PRKCE: variants seen among roughly 807,000 people sequenced by gnomAD.
PRKCE encodes the protein protein kinase C epsilon type.
A neutral mutation model predicts 85.4 loss-of-function variants in PRKCE; 16 were observed. The ratio of observed to expected loss-of-function variants is 0.19; its 90% CI spans 0.13 to 0.28. The LOEUF is 0.28. Ranked by LOEUF, PRKCE falls within the 10% of genes least tolerant of loss-of-function variation. PRKCE has a pLI of 1.00. For missense variants in PRKCE, 573 were observed against 975.2 expected, an observed-to-expected ratio of 0.59 and a Z score of 5.49; for synonymous variants, 388 against 371.5, an observed-to-expected ratio of 1.04 and a Z score of -0.51.
At chr2:45,745,394 C>G (rs971042270) in intron 1 of PRKCE, among the ~76,000 whole-genome samples, 1 of 152,196 alleles carries the variant, frequency 6.6e-6, no homozygotes, top group African/African-American at 2.4e-5. Context: ...CCTATCTGCT[C>G]TGTTGTGCTT....
chr2:46,163,144 A>G (rs1357676074), intron 14 of PRKCE, among the ~76,000 whole-genome samples: 1 of 152,250 alleles, frequency 6.6e-6, no homozygotes, highest in Non-Finnish European at 1.5e-5. Flanking sequence ...AGCAGTGAGG[A>G]CAACTCTGTG....
chr2:46,040,191 T>C (rs1274129787), intron 10 of PRKCE, among the ~76,000 whole-genome samples: 2 of 152,192 alleles, frequency 1.3e-5, no homozygotes, highest in Admixed American at 1.3e-4. Context: ...GCCTAGGGGA[T>C]GTTAACTAAA....
intron 11 of PRKCE, among the ~76,000 whole-genome samples, chr2:46,096,071 TCA>T (rs754688263): frequency 2.0e-5 from 3 of 152,202 alleles, no homozygotes; most frequent in Non-Finnish European, 2.9e-5. Context: ...CTGTTGCCAG[TCA>T]CAGTTTTACA....
intron 2 of PRKCE, among the ~76,000 whole-genome samples, chr2:45,911,251 C>A (rs1573846156): frequency 6.6e-6 from 1 of 152,280 alleles, no homozygotes; most frequent in East Asian, 1.9e-4. Context: ...TGTTTTTTCC[C>A]ACTGACACCT....
In PRKCE at chr2:45,884,976, TATATATATATATA is replaced by T. The variant is rs1451372793; in HGVS notation, c.412+41914_412+41926del. Among the ~76,000 whole-genome samples, 77 of 69,152 alleles carry T rather than the reference TATATATATATATA, an allele frequency of 1.1e-3. 2 individuals are homozygous for T. The East Asian group carries it at 0.015, about 13-fold the overall frequency. The allele number at this position is 69,152 out of a possible 152,430, so 45.4% of individuals were successfully genotyped here. A position where few individuals can be genotyped will look rare whatever the true frequency, so the allele number is the denominator to read the frequency against. On this transcript the variant is annotated intron_variant, in intron 2 of 14. Transcript: ENST00000306156. ...ATCCATATATATATATATATATATA[TATATATATATATA>T]TATATATATATATTTGTTGTTGTTG...
intron 2 of PRKCE, among the ~76,000 whole-genome samples, chr2:45,941,577 C>A (rs191899023): frequency 4.3e-4 from 65 of 152,200 alleles, no homozygotes; most frequent in African/African-American, 1.3e-3. Flanking sequence ...TTCAACGGAA[C>A]CTTGAAGAAT....
chr2:45,754,710 C>T (rs1047658129), intron 1 of PRKCE, among the ~76,000 whole-genome samples: 1 of 152,194 alleles, frequency 6.6e-6, no homozygotes, highest in African/African-American at 2.4e-5. Flanking sequence ...ATTTAGCTTC[C>T]CCATCCAAAT....
chr2:46,024,942 C>T (rs1157517776), intron 10 of PRKCE, among the ~76,000 whole-genome samples: 1 of 152,124 alleles, frequency 6.6e-6, no homozygotes, highest in East Asian at 1.9e-4. Flanking sequence ...ATCCAATTTG[C>T]CCAGAGTTTT....
At chr2:45,971,079 T>TA (rs1307040270) in intron 2 of PRKCE, among the ~76,000 whole-genome samples, 1 of 152,164 alleles carries the variant, frequency 6.6e-6, no homozygotes, top group African/African-American at 2.4e-5. Context: ...TGCAGTGTGT[T>TA]AACTATAGGC....
At chr2:45,999,417 G>T (rs1356546817) in intron 6 of PRKCE, among the ~76,000 whole-genome samples, 2 of 151,988 alleles carry the variant, frequency 1.3e-5, no homozygotes, top group Non-Finnish European at 2.9e-5. Context: ...TTGATGGCAT[G>T]GTTTCTGAGG....
chr2:45,888,690 G>C lies in PRKCE; in HGVS notation c.412+45627G>C, dbSNP rs1039306135. Among the ~76,000 whole-genome samples, 3 of 152,204 alleles carry C rather than the reference G, an allele frequency of 2.0e-5. No individual in the cohort carries two copies. The East Asian group carries it at 5.8e-4, about 29-fold the overall frequency. ...TGGTTTCGAACTCCTGGCCTCTGGT[G>C]ATCCACCCGCTTTGGCCTCCCAAAG... On this transcript the variant is annotated intron_variant, in intron 2 of 14. Transcript: ENST00000306156.
chr2:45,817,925 CGA>C (rs1689215473), intron 1 of PRKCE, among the ~76,000 whole-genome samples: 1 of 152,164 alleles, frequency 6.6e-6, no homozygotes, highest in South Asian at 2.1e-4. Flanking sequence ...AGCTACAGGC[CGA>C]GTTTCCTCCA....
At chr2:46,011,290 A>G (rs1249174046) in intron 10 of PRKCE, among the ~76,000 whole-genome samples, 2 of 152,206 alleles carry the variant, frequency 1.3e-5, no homozygotes, top group Admixed American at 1.3e-4. Context: ...GCTTATGTGG[A>G]ACCCAGACCC....
intron 1 of PRKCE, among the ~76,000 whole-genome samples, chr2:45,749,955 G>C (rs182890841): frequency 6.6e-6 from 1 of 152,122 alleles, no homozygotes; most frequent in Admixed American, 6.6e-5. Flanking sequence ...AAGGCCTTTT[G>C]GGGGGAGAAC....
intron 1 of PRKCE, among the ~76,000 whole-genome samples, chr2:45,816,214 A>T (rs182529160): frequency 2.0e-5 from 3 of 152,196 alleles, no homozygotes; most frequent in Admixed American, 6.5e-5. Context: ...AGTGAGAGTG[A>T]TTTCAGGATC....
intron 11 of PRKCE, among the ~76,000 whole-genome samples, chr2:46,127,700 G>A (rs1418502908): frequency 1.3e-5 from 2 of 152,234 alleles, no homozygotes; most frequent in African/African-American, 4.8e-5. Flanking sequence ...TACCATTGAG[G>A]ATCAAGGGGT....
At chr2:45,829,280 C>T (rs1376765876) in intron 1 of PRKCE, among the ~76,000 whole-genome samples, 3 of 152,106 alleles carry the variant, frequency 2.0e-5, no homozygotes, top group African/African-American at 2.4e-5. Context: ...ATTTACATTT[C>T]GTCGGCAGCG....
intron 1 of PRKCE, among the ~76,000 whole-genome samples, chr2:45,804,818 G>C (rs1300833176): frequency 1.3e-5 from 2 of 152,142 alleles, no homozygotes; most frequent in African/African-American, 4.8e-5. Context: ...AGAGATTAAG[G>C]CAAATTAGTA....
intron 1 of PRKCE, among the ~76,000 whole-genome samples, chr2:45,660,524 A>G (rs1283793724): frequency 2.0e-5 from 3 of 152,196 alleles, no homozygotes; most frequent in African/African-American, 4.8e-5. Context: ...TCAAATTCTC[A>G]TCAGGGCTTT....
Sources: allele counts gnomAD v4.1 joint callset (sites outside exome capture counted in the v4.1 genomes callset), GRCh38; gene constraint gnomAD v4.1.1; transcripts MANE v1.5; gene names NCBI Gene and HGNC (gene_info 2026-07-23, HGNC 2026-07-21).